The following CDH8 variants were observed in gnomAD, a reference collection of about 807,000 sequenced individuals.
CDH8 encodes the protein cadherin 8.
Under a neutral mutation model 68.1 loss-of-function variants are expected in CDH8, and 17 were observed. The observed-to-expected ratio is 0.25, with a 90% CI of 0.17 to 0.37. CDH8 has a LOEUF of 0.37. CDH8 is among the 10% of genes least tolerant of loss of function. CDH8 has a pLI of 1.00. For missense variants in CDH8, 763 were observed against 999.3 expected (o/e 0.76, Z 3.19); for synonymous variants, 372 against 365.1 (o/e 1.02, Z -0.21).
At chr16:61,961,208 G>A (rs1965148519) in intron 2 of CDH8, among the ~76,000 whole-genome samples, 1 of 151,950 alleles carries the variant, frequency 6.6e-6, no homozygotes, top group Non-Finnish European at 1.5e-5. Context: ...CCAGCTGCTT[G>A]GGAGGTTGAG....
At chr16:61,876,026 G>A (rs1448530457) in intron 3 of CDH8, among the ~76,000 whole-genome samples, 5 of 151,818 alleles carry the variant, frequency 3.3e-5, no homozygotes, top group Middle Eastern at 3.2e-3. Flanking sequence ...ACAGGCACCC[G>A]CCACCACACC....
chr16:61,659,706 G>T (rs977464384), intron 10 of CDH8, among the ~76,000 whole-genome samples: 1 of 152,122 alleles, frequency 6.6e-6, no homozygotes, highest in Admixed American at 6.5e-5. Flanking sequence ...CTAAGGTTTA[G>T]CTGTCCCTCA....
chr16:61,839,850 G>A (rs1173025572), intron 4 of CDH8, among the ~76,000 whole-genome samples: 1 of 152,082 alleles, frequency 6.6e-6, no homozygotes, highest in Non-Finnish European at 1.5e-5. Context: ...AGCAACAGCC[G>A]CTAAAAGGCA....
chr16:61,653,772 T>C lies in CDH8; in HGVS notation c.2236A>G (p.Ile746Val). 1 of 1,614,180 alleles carries C rather than the reference T, an allele frequency of 6.2e-7. No homozygotes were observed. Among genetic ancestry groups the C allele is most frequent in the Non-Finnish European group, 8.5e-7 (1 of 1,180,034 alleles). ...GACCCTCGGCCTTCATAGCCATATA[T>C]CTGAATGGAGTCATATGGCGGGGCC... ...PTAPPYDSIQ[I>V]YGYEGRGSVA... is the part of the protein sequence containing the mutation. The change falls in exon 12 of 12, where the codon ATA becomes GTA. Residue 746 changes from isoleucine (I) to valine (V), a missense_variant. Physicochemically the swap from Ile to Val is conservative, Grantham distance 29. This residue lies in a region of CDH8 where 397 missense variants were observed against 436.2 expected (regional missense o/e 0.91). Transcript: ENST00000577390.
intron 8 of CDH8, among the ~76,000 whole-genome samples, chr16:61,738,942 C>G (rs1486378732): frequency 1.3e-5 from 2 of 152,062 alleles, no homozygotes; most frequent in Non-Finnish European, 2.9e-5. Flanking sequence ...CTTTTATACC[C>G]TTAAGTACAT....
chr16:61,809,471 T>A (rs776186608), intron 7 of CDH8, among the ~76,000 whole-genome samples: 1 of 152,008 alleles, frequency 6.6e-6, no homozygotes, highest in African/African-American at 2.4e-5. Flanking sequence ...TTAGGACAAA[T>A]ACCTAATGCA....
chr16:61,773,536 T>G (rs1275380666), intron 8 of CDH8, among the ~76,000 whole-genome samples: 9 of 152,034 alleles, frequency 5.9e-5, no homozygotes, highest in Non-Finnish European at 1.2e-4. Context: ...TACTATGTTT[T>G]TGGCAAGAAT....
chr16:61,852,040 T>C (rs1962948562), intron 4 of CDH8, among the ~76,000 whole-genome samples: 1 of 152,082 alleles, frequency 6.6e-6, no homozygotes, highest in Non-Finnish European at 1.5e-5. Context: ...ATGACACTAA[T>C]ACCTACCTCA....
chr16:61,747,977 T>C lies in CDH8; in HGVS notation c.1415-20762A>G, dbSNP rs1005114906. Among the ~76,000 whole-genome samples, 5 of 152,040 alleles carry C rather than the reference T, an allele frequency of 3.3e-5. No individual in the cohort carries two copies. The East Asian group carries it at 5.8e-4, about 18-fold the overall frequency. On this transcript the variant is annotated intron_variant, in intron 8 of 11. Coordinates refer to ENST00000577390, the MANE Select transcript of CDH8 (RefSeq NM_001796.5). The stretch of plus-strand genomic sequence containing the variant: ...ATATTGTCACACGCCTCTTAGAACA[T>C]CAACCAGTTTGATGTAGATTTTTTC...
chr16:61,919,973 G>C (rs1964330211), intron 2 of CDH8, among the ~76,000 whole-genome samples: 2 of 151,918 alleles, frequency 1.3e-5, no homozygotes, highest in African/African-American at 4.8e-5. Context: ...TCTGATCTTT[G>C]ACAAACCTGA....
intron 9 of CDH8, 144 bp from the exon 10 acceptor site, chr16:61,714,102 G>T (rs550877027): frequency 3.0e-6 from 2 of 674,528 alleles, no homozygotes; most frequent in Admixed American, 5.1e-5. Flanking sequence ...TGGATGGTTT[G>T]TGCCAAGAAT....
intron 9 of CDH8, among the ~76,000 whole-genome samples, chr16:61,717,867 A>C (rs1160724146): frequency 4.0e-5 from 6 of 151,538 alleles, no homozygotes; most frequent in African/African-American, 1.5e-4. Flanking sequence ...ATCATCATTT[A>C]TCCTCACAAT....
chr16:61,882,484 C>T (rs1160831037), intron 3 of CDH8, among the ~76,000 whole-genome samples: 3 of 152,212 alleles, frequency 2.0e-5, no homozygotes, highest in African/African-American at 4.8e-5. Context: ...GAGCAGGAGA[C>T]ACTTTGTGCC....
chr16:61,687,826 T>A (rs959585155), intron 10 of CDH8, among the ~76,000 whole-genome samples: 2 of 152,040 alleles, frequency 1.3e-5, no homozygotes, highest in Admixed American at 1.3e-4. Flanking sequence ...GCTATTTTGA[T>A]TGCATAGCAT....
chr16:61,809,502 T>C (rs531989091), intron 7 of CDH8, among the ~76,000 whole-genome samples: 1 of 152,094 alleles, frequency 6.6e-6, no homozygotes, highest in Non-Finnish European at 1.5e-5. Flanking sequence ...AAAACCTAGA[T>C]GACAGGTTGA....
intron 3 of CDH8, among the ~76,000 whole-genome samples, chr16:61,874,915 G>C (rs1236104116): frequency 6.6e-6 from 1 of 152,164 alleles, no homozygotes; most frequent in African/African-American, 2.4e-5. Context: ...ATAGACTGTT[G>C]AGGCTCTGTT....
chr16:61,973,973 G>T (rs932896247), intron 2 of CDH8, among the ~76,000 whole-genome samples: 2 of 152,122 alleles, frequency 1.3e-5, no homozygotes, highest in East Asian at 1.9e-4. Flanking sequence ...CACTAACCCT[G>T]TGCCTACAAT....
intron 2 of CDH8, among the ~76,000 whole-genome samples, chr16:61,944,362 C>T (rs1964768816): frequency 6.6e-6 from 1 of 152,132 alleles, no homozygotes; most frequent in African/African-American, 2.4e-5. Flanking sequence ...AATTCAGATA[C>T]GTTTAACAGA....
rs140817094 is a variant in CDH8, at chr16:61,953,323, A to G, written c.253-51850T>C. Among the ~76,000 whole-genome samples the G allele has an allele frequency of 6.6e-3, 1,001 of 152,304 alleles. 8 individuals carry two copies. The highest frequency in any genetic ancestry group is 0.023 in the African/African-American group (964 of 41,568). On this transcript the variant is annotated intron_variant, in intron 2 of 11. Transcript: ENST00000577390. Reference sequence around the variant, plus strand: ...TAATTTTCATGGAGCAGAGCTTTCCATATTTCTCATACTTCTGCTATTCTT... The same window carrying G: ...TAATTTTCATGGAGCAGAGCTTTCCGTATTTCTCATACTTCTGCTATTCTT...
Sources: gnomAD v4.1 joint callset for allele counts (sites outside exome capture counted in the v4.1 genomes callset) on GRCh38, gnomAD v4.1.1 for gene constraint, gnomAD v4.1.1 regional missense constraint, MANE v1.5 for transcripts, NCBI Gene and HGNC (gene_info 2026-07-23, HGNC 2026-07-21) for gene names.